The following IL1RAPL1 variants were observed in gnomAD, a reference collection of about 807,000 sequenced individuals.
The protein encoded by IL1RAPL1 is interleukin 1 receptor accessory protein like 1.
IL1RAPL1 carries 3 observed loss-of-function variants against 48.4 expected under a neutral mutation model. That is an observed-to-expected ratio of 0.06 (90% CI 0.03 to 0.16). IL1RAPL1 has a LOEUF of 0.16. IL1RAPL1 is among the 10% of genes least tolerant of loss of function. IL1RAPL1 has a pLI of 1.00. For synonymous variants in IL1RAPL1, 185 were observed against 187.7 expected (o/e 0.99, Z 0.12); for missense variants, 349 against 530.6 (o/e 0.66, Z 3.36).
chrX:28,890,919 C>T (rs1187140470), intron 2 of IL1RAPL1, among the ~76,000 whole-genome samples: 2 of 112,251 alleles, frequency 1.8e-5, no homozygotes, highest in Non-Finnish European at 3.8e-5. Context: ...ACAGATAATA[C>T]TCCTTCGTGA....
intron 5 of IL1RAPL1, among the ~76,000 whole-genome samples, chrX:29,487,657 T>G (rs1935111068): frequency 1.8e-5 from 2 of 112,399 alleles, no homozygotes; most frequent in South Asian, 7.4e-4. Context: ...TGGGTAAAAA[T>G]AATCTAGCAT....
intron 5 of IL1RAPL1, among the ~76,000 whole-genome samples, chrX:29,439,018 C>T (rs1029650362): frequency 9.0e-6 from 1 of 110,862 alleles, no homozygotes; most frequent in African/African-American, 3.3e-5. Flanking sequence ...TTTCCTGTTA[C>T]CACATATACC....
intron 9 of IL1RAPL1, among the ~76,000 whole-genome samples, chrX:29,943,893 G>C (rs911590987): frequency 8.9e-6 from 1 of 112,093 alleles, no homozygotes; most frequent in Non-Finnish European, 1.9e-5. Flanking sequence ...TTTCATTGCT[G>C]TTCTGAAGCT....
At chrX:29,136,762 T>C (rs1602074498) in intron 2 of IL1RAPL1, among the ~76,000 whole-genome samples, 3 of 112,074 alleles carry the variant, frequency 2.7e-5, no homozygotes, top group South Asian at 7.5e-4. Flanking sequence ...GATTATTCAG[T>C]ATGGATAATG....
At chrX:28,797,357 C>G (rs1198091662) in intron 2 of IL1RAPL1, among the ~76,000 whole-genome samples, 1 of 111,816 alleles carries the variant, frequency 8.9e-6, no homozygotes, top group East Asian at 2.8e-4. Flanking sequence ...ATCACATTGT[C>G]AGGCTGCAAA....
intron 5 of IL1RAPL1, among the ~76,000 whole-genome samples, chrX:29,533,016 G>C (rs926076282): frequency 8.9e-6 from 1 of 111,945 alleles, no homozygotes; most frequent in Non-Finnish European, 1.9e-5. Flanking sequence ...GCCTAGCCTA[G>C]AGACATAACA....
intron 5 of IL1RAPL1, among the ~76,000 whole-genome samples, chrX:29,605,069 TAAACAC>T (rs1569125157): frequency 3.7e-5 from 2 of 54,214 alleles, no homozygotes; most frequent in African/African-American, 8.0e-5. Flanking sequence ...TCCTAAGTCT[TAAACAC>T]ACACACACAC....
At chrX:29,364,794 AT>A (rs1933427888) in intron 3 of IL1RAPL1, among the ~76,000 whole-genome samples, 1 of 110,829 alleles carries the variant, frequency 9.0e-6, no homozygotes, top group African/African-American at 3.3e-5. Flanking sequence ...ATACTACACC[AT>A]TTTATAACAG....
intron 6 of IL1RAPL1, among the ~76,000 whole-genome samples, chrX:29,730,911 A>G (rs1927900136): frequency 8.9e-6 from 1 of 112,105 alleles, no homozygotes; most frequent in South Asian, 3.7e-4. Context: ...TTCTGCAATA[A>G]TGTATTTAGA....
At chrX:29,250,159 GAT>G (rs1931580394) in intron 2 of IL1RAPL1, among the ~76,000 whole-genome samples, 1 of 111,466 alleles carries the variant, frequency 9.0e-6, no homozygotes, top group African/African-American at 3.3e-5. Context: ...TACCCCAACT[GAT>G]ATCTTGTTTA....
chrX:29,452,003 C>T (rs747139774), intron 5 of IL1RAPL1, among the ~76,000 whole-genome samples: 1 of 110,290 alleles, frequency 9.1e-6, no homozygotes, highest in African/African-American at 3.3e-5. Flanking sequence ...AAACACTTGT[C>T]GTGGAAAAAG....
Position 29,626,284 on chromosome X carries a change from C to T in IL1RAPL1, c.704-42146C>T, listed in dbSNP as rs767004988. Reference sequence around the variant, plus strand: ...AAATAAGAGATGATTGGAAGTGTATCAATGCAAGTGGCAAGTGAGAATCAG... The same window carrying T: ...AAATAAGAGATGATTGGAAGTGTATTAATGCAAGTGGCAAGTGAGAATCAG... On this transcript the variant is annotated intron_variant, in intron 5 of 10. Coordinates refer to ENST00000378993, the MANE Select transcript of IL1RAPL1 (RefSeq NM_014271.4). 7.1e-5 allele frequency among the ~76,000 whole-genome samples: 8 copies of T among 112,077 alleles called. No homozygotes were observed. The East Asian group carries it at 2.0e-3, about 27-fold the overall frequency.
intron 5 of IL1RAPL1, among the ~76,000 whole-genome samples, chrX:29,563,721 C>T (rs1272007919): frequency 8.9e-6 from 1 of 111,969 alleles, no homozygotes; most frequent in Non-Finnish European, 1.9e-5. Context: ...TCACTTTCCA[C>T]ACAAACCTCA....
At chrX:29,393,724 GT>G (rs71979557) in intron 3 of IL1RAPL1, among the ~76,000 whole-genome samples, 23 of 102,795 alleles carry the variant, frequency 2.2e-4, no homozygotes, top group Admixed American at 1.0e-3. Flanking sequence ...TTTTGTTTTT[GT>G]TTTTTTTTTT....
At chrX:28,642,910 A>G (rs1451893809) in intron 1 of IL1RAPL1, among the ~76,000 whole-genome samples, 1 of 109,505 alleles carries the variant, frequency 9.1e-6, no homozygotes, top group Non-Finnish European at 1.9e-5. Context: ...TTTTTTTTAG[A>G]CTGAGTCTCA....
intron 6 of IL1RAPL1, among the ~76,000 whole-genome samples, chrX:29,786,744 C>A (rs190074199): frequency 1.7e-3 from 189 of 110,976 alleles, no homozygotes; most frequent in Non-Finnish European, 2.8e-3. Context: ...CTTGACTCAT[C>A]GAGGTGGCAG....
intron 5 of IL1RAPL1, among the ~76,000 whole-genome samples, chrX:29,660,651 G>T (rs776487565): frequency 1.7e-4 from 19 of 111,420 alleles, no homozygotes; most frequent in African/African-American, 6.2e-4. Flanking sequence ...TAAGTGCATG[G>T]GTTTGCTTCT....
intron 3 of IL1RAPL1, among the ~76,000 whole-genome samples, chrX:29,332,206 C>G (rs1201492402): frequency 4.2e-5 from 3 of 71,342 alleles, no homozygotes; most frequent in African/African-American, 1.1e-4. Flanking sequence ...AGACTCTTCT[C>G]TCTTCCTGAC....
At chrX:28,621,017 A>G (rs1358303927) in intron 1 of IL1RAPL1, among the ~76,000 whole-genome samples, 2 of 111,892 alleles carry the variant, frequency 1.8e-5, no homozygotes, top group Non-Finnish European at 3.8e-5. Context: ...CCCTTGAAAT[A>G]CAAGGCCTCA....
Sources: gnomAD v4.1 joint callset for allele counts (sites outside exome capture counted in the v4.1 genomes callset) on GRCh38, gnomAD v4.1.1 for gene constraint, MANE v1.5 for transcripts, NCBI Gene and HGNC (gene_info 2026-07-23, HGNC 2026-07-21) for gene names.